The following BBS9 variants were observed in gnomAD, a reference collection of about 807,000 sequenced individuals.
The protein encoded by BBS9 is Bardet-Biedl syndrome 9.
A neutral mutation model predicts 117.7 loss-of-function variants in BBS9; 89 were observed. The ratio of observed to expected loss-of-function variants is 0.76; its 90% confidence interval spans 0.64 to 0.90. The LOEUF (loss-of-function observed/expected upper bound fraction) is 0.90, where lower values mean the gene tolerates loss of function less well. Ranked by LOEUF, BBS9 falls within the 40% of genes least tolerant of loss-of-function variation. The probability of loss-of-function intolerance (pLI) is 0.00; values close to 1 mark genes in which losing one functional copy is unlikely to be tolerated. For missense variants in BBS9, 982 were observed against 1,042.2 expected (o/e 0.94, Z 0.80); for synonymous variants, 379 against 370.9 (o/e 1.02, Z -0.25).
At chr7:33,587,485 A>C (rs572914954) in intron 21 of BBS9, among the ~76,000 whole-genome samples, 84 of 152,186 alleles carry the variant, frequency 5.5e-4, no homozygotes, top group African/African-American at 2.0e-3. Flanking sequence ...ACAGTTCTAC[A>C]TTTCCTCTTT....
intron 21 of BBS9, among the ~76,000 whole-genome samples, chr7:33,629,013 A>G (rs2598373): frequency 0.98 from 148,893 of 152,288 alleles, 72,898 homozygotes; most frequent in Middle Eastern, 1. Context: ...TCCCTAGTTA[A>G]CCTGGGACAG....
At chr7:33,183,814 G>A (rs1255529918) in intron 5 of BBS9, among the ~76,000 whole-genome samples, 2 of 151,386 alleles carry the variant, frequency 1.3e-5, no homozygotes, top group African/African-American at 4.9e-5. Flanking sequence ...ACCTCATTCA[G>A]TTTTTTTTTG....
chr7:33,152,743 T>G lies in BBS9; in HGVS notation c.155T>G (p.Phe52Cys), dbSNP rs756750359. ...VGSFMGYLRIFSPHPAKTGDG... is the reference protein window; with the variant it reads ...VGSFMGYLRICSPHPAKTGDG... ...AGCTTTATGGGATACCTAAGGATCT[T>G]TAGCCCCCATCCTGCAAAAACAGGA... Residue 52 changes from phenylalanine to cysteine, a missense_variant, in exon 3 of 23, where the codon TTT becomes TGT. Phe to Cys is a radical substitution (Grantham distance 205). Coordinates refer to ENST00000242067, the MANE Select transcript of BBS9 (RefSeq NM_198428.3). The G allele has an allele frequency of 1.2e-6, 2 of 1,613,880 alleles. No homozygotes were observed. Among genetic ancestry groups the G allele is most frequent in the Non-Finnish European group, 1.7e-6 (2 of 1,179,896 alleles).
intron 5 of BBS9, among the ~76,000 whole-genome samples, chr7:33,213,296 A>G (rs1307550785): frequency 6.6e-6 from 1 of 152,174 alleles, no homozygotes; most frequent in Admixed American, 6.5e-5. Context: ...CTGGCAGGCC[A>G]CTGACCATGT....
chr7:33,511,088 T>C (rs1846888901), intron 20 of BBS9, among the ~76,000 whole-genome samples: 1 of 152,122 alleles, frequency 6.6e-6, no homozygotes, highest in South Asian at 2.1e-4. Flanking sequence ...CCATGTGGCC[T>C]TGGTAAACAT....
At chr7:33,470,684 G>A (rs571526765) in intron 19 of BBS9, among the ~76,000 whole-genome samples, 1 of 152,250 alleles carries the variant, frequency 6.6e-6, no homozygotes, top group African/African-American at 2.4e-5. Flanking sequence ...TGCTCACCGT[G>A]GGTTATAATA....
At chr7:33,346,572 CT>C (rs1177483469) in intron 12 of BBS9, among the ~76,000 whole-genome samples, 3 of 152,260 alleles carry the variant, frequency 2.0e-5, no homozygotes, top group African/African-American at 7.2e-5. Flanking sequence ...CTAGCCAAGT[CT>C]TTAACTCTTT....
intron 19 of BBS9, among the ~76,000 whole-genome samples, chr7:33,469,285 GC>G (rs1840641816): frequency 6.6e-6 from 1 of 152,158 alleles, no homozygotes; most frequent in Non-Finnish European, 1.5e-5. Context: ...ATAAATTGTA[GC>G]CCATGATGTC....
intron 5 of BBS9, among the ~76,000 whole-genome samples, chr7:33,198,064 A>G (rs2128205918): frequency 6.6e-6 from 1 of 152,118 alleles, no homozygotes; most frequent in Admixed American, 6.6e-5. Flanking sequence ...TACTATTTCA[A>G]TTATGTTTCT....
intron 9 of BBS9, among the ~76,000 whole-genome samples, chr7:33,295,589 A>T (rs746052867): frequency 3.3e-5 from 5 of 152,008 alleles, no homozygotes; most frequent in Non-Finnish European, 5.9e-5. Flanking sequence ...GTGGAATTCA[A>T]AAAAACACAG....
In BBS9 at chr7:33,303,529, G is replaced by A. The variant is rs7804330; in HGVS notation, c.1016+29573G>A. On this transcript the variant is annotated intron_variant, in intron 9 of 22. Coordinates refer to ENST00000242067, the MANE Select transcript of BBS9 (RefSeq NM_198428.3). ...TCAACTGAAATGATCCCCTCCCCCCGCCCCTTCTTTCTTTGGTCTCCCTCT... is the reference window on the plus strand; with the variant it reads ...TCAACTGAAATGATCCCCTCCCCCCACCCCTTCTTTCTTTGGTCTCCCTCT... 0.021 allele frequency among the ~76,000 whole-genome samples: 2,063 copies of A among 100,250 alleles called. 168 individuals carry two copies. The East Asian group carries it at 0.26, about 13-fold the overall frequency. The allele number at this position is 100,250 out of a possible 152,430, so 65.8% of individuals were successfully genotyped here.
chr7:33,606,196 A>AT (rs1275266896), downstream of BBS9: 1 of 152,212 alleles, frequency 6.6e-6, no homozygotes, highest in African/African-American at 2.4e-5. Flanking sequence ...ATGCAGATAT[A>AT]TTATCAAAAT....
intron 9 of BBS9, among the ~76,000 whole-genome samples, chr7:33,294,286 CTATCATCTATCTATCTATCT>C (rs1426286795): frequency 2.0e-5 from 3 of 149,184 alleles, no homozygotes; most frequent in Non-Finnish European, 4.5e-5. Flanking sequence ...TTCCATCTAT[CTATCATCTATCTATCTATCT>C]ATCTATCTAT....
At chr7:33,595,585 T>C (rs1399542002) in intron 21 of BBS9, among the ~76,000 whole-genome samples, 1 of 152,156 alleles carries the variant, frequency 6.6e-6, no homozygotes, top group Non-Finnish European at 1.5e-5. Flanking sequence ...ACACTGTCGG[T>C]GGGAATGTAA....
chr7:33,249,892 A>T (rs546033522), intron 5 of BBS9, among the ~76,000 whole-genome samples: 1 of 152,120 alleles, frequency 6.6e-6, no homozygotes, highest in Non-Finnish European at 1.5e-5. Context: ...CTGTCCAATA[A>T]TTTCCCTCTA....
chr7:33,496,295 G>A (rs1844700505), intron 19 of BBS9, among the ~76,000 whole-genome samples: 1 of 152,052 alleles, frequency 6.6e-6, no homozygotes, highest in South Asian at 2.1e-4. Context: ...CATGAGGTCA[G>A]GAGTTCGAAA....
intron 5 of BBS9, among the ~76,000 whole-genome samples, chr7:33,197,014 C>T (rs1291431338): frequency 6.6e-6 from 1 of 152,020 alleles, no homozygotes; most frequent in Non-Finnish European, 1.5e-5. Flanking sequence ...TCCCGTTATA[C>T]ATACACTATC....
At chr7:33,426,744 C>T (rs1039659876) in intron 19 of BBS9, among the ~76,000 whole-genome samples, 4 of 151,894 alleles carry the variant, frequency 2.6e-5, no homozygotes, top group Non-Finnish European at 4.4e-5. Flanking sequence ...TTGAGAGGAG[C>T]GGTCAGGGAG....
chr7:33,434,925 TTTAAA>T (rs1336710356), intron 19 of BBS9, among the ~76,000 whole-genome samples: 2 of 152,152 alleles, frequency 1.3e-5, no homozygotes, highest in Non-Finnish European at 2.9e-5. Context: ...AAAGAAAATG[TTTAAA>T]TTAAAGTATT....
Sources: allele counts gnomAD v4.1 joint callset (sites outside exome capture counted in the v4.1 genomes callset), GRCh38; gene constraint gnomAD v4.1.1; transcripts MANE v1.5; gene names NCBI Gene and HGNC (gene_info 2026-07-23, HGNC 2026-07-21).